Variants in EIF3A observed in about 807,000 individuals in gnomAD.
The protein encoded by EIF3A is EIF3, p180 subunit.
A neutral mutation model predicts 186.6 loss-of-function variants in EIF3A; 21 were observed. The ratio of observed to expected loss-of-function variants is 0.11; its 90% CI spans 0.08 to 0.16. The LOEUF (loss-of-function observed/expected upper bound fraction) is 0.16, where lower values mean the gene tolerates loss of function less well. Ranked by LOEUF, EIF3A falls within the 10% of genes least tolerant of loss-of-function variation. The pLI, the probability that EIF3A is intolerant of heterozygous loss-of-function variation, is 1.00. For missense variants in EIF3A, 1,306 were observed against 1,796.3 expected (o/e 0.73, Z 4.93); for synonymous variants, 563 against 584.3 (o/e 0.96, Z 0.52).
At chr10:119,063,899 G>A (rs1322702145) in intron 7 of EIF3A, among the ~76,000 whole-genome samples, 1 of 152,168 alleles carries the variant, frequency 6.6e-6, no homozygotes, top group African/African-American at 2.4e-5. Context: ...CCTAGCCAAC[G>A]TGGCAAAATC....
chr10:119,056,244 T>C (rs1312479084), intron 14 of EIF3A, among the ~76,000 whole-genome samples: 2 of 152,204 alleles, frequency 1.3e-5, no homozygotes, highest in Admixed American at 6.5e-5. Context: ...ATGACCTGTT[T>C]AGTCACGAAA....
At chr10:119,045,774 A>G (rs565207357) in intron 17 of EIF3A, among the ~76,000 whole-genome samples, 1 of 152,188 alleles carries the variant, frequency 6.6e-6, no homozygotes, top group South Asian at 2.1e-4. Flanking sequence ...ATGTTGCCAG[A>G]CTGGTCTCAA....
At chr10:119,067,608 C>T (rs919225296) in intron 6 of EIF3A, among the ~76,000 whole-genome samples, 1 of 151,982 alleles carries the variant, frequency 6.6e-6, no homozygotes, top group Non-Finnish European at 1.5e-5. Flanking sequence ...GAAAGAAAGA[C>T]CGTATCAGAA....
Position 119,042,701 on chromosome 10 carries a change from A to C in EIF3A, c.2819T>G (p.Leu940Arg), listed in dbSNP as rs1848228112. The C allele has an allele frequency of 6.2e-7, 1 of 1,613,866 alleles. No individual in the cohort carries two copies. The highest frequency in any genetic ancestry group is 1.7e-5 in the Admixed American group (1 of 59,986). ...GGGCTCTCTATCTTCATCATCCCCC[A>C]GACGCCGGGGCCGCTCTTCATCTCT... is the stretch of plus-strand genomic sequence containing the variant. ...HRRDEERPRR[L>R]GDDEDREPSL... is the part of the protein sequence containing the mutation. Residue 940 changes from leucine to arginine, a missense_variant, in exon 19 of 22, where the codon CTG (leucine) becomes CGG (arginine). By Grantham distance (102) the Leu-to-Arg change is moderately radical (BLOSUM62 -2). Transcript: ENST00000369144. The surrounding 1 kb of genome is among the most constrained non-coding windows in gnomAD (Gnocchi z 7.8).
chr10:119,064,899 C>T (rs1440408547), intron 7 of EIF3A, among the ~76,000 whole-genome samples: 2 of 151,888 alleles, frequency 1.3e-5, no homozygotes, highest in Admixed American at 6.6e-5. Flanking sequence ...TAGGAGAGAC[C>T]GGGTTTCGCC....
At chr10:119,041,932 T>C in intron 19 of EIF3A, 62 bp downstream of exon 19, 1 of 1,496,418 alleles carries the variant, frequency 6.7e-7, no homozygotes, top group Non-Finnish European at 9.2e-7. Context: ...CTGATATTTA[T>C]CCATCAGAAT....
intron 1 of EIF3A, among the ~76,000 whole-genome samples, chr10:119,077,009 C>G (rs547780835): frequency 1.1e-4 from 17 of 151,350 alleles, no homozygotes; most frequent in African/African-American, 3.9e-4. Flanking sequence ...AGTCTCTTAT[C>G]AGCAAAAAAC....
rs1198258688 is a variant in EIF3A, at chr10:119,036,160, C to G, written c.4028G>C (p.Arg1343Pro). 1 of 1,613,506 alleles carries G rather than the reference C, an allele frequency of 6.2e-7. No homozygotes were observed. The highest frequency in any genetic ancestry group is 8.5e-7 in the Non-Finnish European group (1 of 1,179,792). ...PALSRDRERD[R>P]DREREGEKEK... ...TTTTTCACCTTCTCTTTCTCGGTCT[C>G]GGTCTCTTTCTCGGTCTCTTGAAAG... Residue 1343 changes from arginine (R) to proline (P), a missense_variant, in exon 22 of 22, where the codon CGA (arginine) becomes CCA (proline). Around this residue, in one of 8 missense-constraint regions of EIF3A, gnomAD observed 331 missense variants for 365.8 expected, o/e 0.90. Transcript: ENST00000369144.
chr10:119,076,838 A>C (rs562257193), intron 1 of EIF3A, among the ~76,000 whole-genome samples: 19 of 151,594 alleles, frequency 1.3e-4, no homozygotes, highest in African/African-American at 4.4e-4. Flanking sequence ...CGGGAGGCTG[A>C]GACTTTAGAA....
chr10:119,050,475 A>C (rs745779808), intron 16 of EIF3A, 46 bp downstream of exon 16: 2 of 1,582,404 alleles, frequency 1.3e-6, no homozygotes, highest in South Asian at 1.1e-5. Flanking sequence ...AGATCTTAAC[A>C]CCAACCTTGC....
chr10:119,080,533 G>C (rs1844247889), intron 1 of EIF3A, 95 bp downstream of exon 1: 3 of 1,442,652 alleles, frequency 2.1e-6, no homozygotes, highest in Non-Finnish European at 2.7e-6. Flanking sequence ...CTCCCCGCGC[G>C]GGCCGGGCGG....
intron 1 of EIF3A, among the ~76,000 whole-genome samples, chr10:119,074,975 A>AT (rs1313468467): frequency 1.6e-4 from 15 of 95,230 alleles, no homozygotes; most frequent in South Asian, 4.3e-4. Flanking sequence ...AAAATAACTT[A>AT]TTTTTTTTCT....
intron 4 of EIF3A, 79 bp from the exon 5 acceptor site, chr10:119,071,164 T>C: frequency 9.9e-7 from 1 of 1,011,980 alleles, no homozygotes; most frequent in Middle Eastern, 2.1e-4. Context: ...TTTCACACAT[T>C]AAGATCAGTT....
At chr10:119,053,170 G>A (rs1218619347) in intron 14 of EIF3A, among the ~76,000 whole-genome samples, 2 of 152,156 alleles carry the variant, frequency 1.3e-5, no homozygotes, top group African/African-American at 2.4e-5. Context: ...GCTATTAACA[G>A]ATATGCTGTC....
At chr10:119,039,661 C>T (rs1296236959) in intron 19 of EIF3A, among the ~76,000 whole-genome samples, 1 of 152,000 alleles carries the variant, frequency 6.6e-6, no homozygotes, top group Non-Finnish European at 1.5e-5. Flanking sequence ...CAGTGAGGCC[C>T]CACCTCAAAA....
In EIF3A at chr10:119,073,382, TG is replaced by T. The variant is rs376345403; in HGVS notation, c.377+58del. ...TACTTCAAAAGGAAATGAAGACCCA[TG>T]TAAAAGAAAACACCAAGTTAACTAT... On this transcript the variant is annotated intron_variant, in intron 3 of 21. Transcript: ENST00000369144. 6.2e-6 allele frequency: 8 copies of T among 1,285,924 alleles called. No individual in the cohort carries two copies. The African/African-American group carries it at 1.2e-4, about 19-fold the overall frequency. The allele number at this position is 1,285,924 out of a possible 1,614,324, so 79.7% of individuals were successfully genotyped here.
In EIF3A at chr10:119,056,788, T is replaced by C. The variant is rs1236388541; in HGVS notation, c.2148A>G (p.Glu716=). 20 of 1,613,670 alleles carry C rather than the reference T, an allele frequency of 1.2e-5. No individual in the cohort carries two copies. Among genetic ancestry groups the C allele is most frequent in the Non-Finnish European group, 1.6e-5 (19 of 1,179,824 alleles). ...ACAGATCCATGTCTTTAATTCTCTG[T>C]TCCTCGTAAGCGCTCTTTATCAAAG... The part of the protein sequence containing the change: ...EIPLIKSAYE[E]QRIKDMDLWE... Residue 716 remains glutamate (E), a synonymous_variant, in exon 14 of 22, where the codon GAA becomes GAG. Transcript: ENST00000369144.
rs1478561821 is a variant in EIF3A at position 119,035,451 on chromosome 10, C to T, written c.*588G>A. ...TACAACAACTGCAAATTGCTTTGTA[C>T]TCACCTTCTCTCAAGTAAAATCTAA... On this transcript the variant is annotated 3_prime_UTR_variant, in exon 22 of 22. Transcript: ENST00000369144. 5 of 149,166 alleles carry T rather than the reference C, an allele frequency of 3.4e-5. No individual in the cohort carries two copies. The East Asian group carries it at 7.9e-4, about 23-fold the overall frequency. The allele number at this position is 149,166 out of a possible 1,614,324, so 9.2% of individuals were successfully genotyped here.
intron 7 of EIF3A, among the ~76,000 whole-genome samples, chr10:119,061,670 T>C (rs1467974291): frequency 1.3e-5 from 2 of 152,226 alleles, no homozygotes; most frequent in African/African-American, 4.8e-5. Flanking sequence ...CCAGTTTTAC[T>C]TTTATATAAA....
Sources: gnomAD v4.1 joint callset for allele counts (sites outside exome capture counted in the v4.1 genomes callset) on GRCh38, gnomAD v4.1.1 for gene constraint, gnomAD v4.1.1 regional missense constraint, Gnocchi (gnomAD v3.1) non-coding constraint, MANE v1.5 for transcripts, NCBI Gene and HGNC (gene_info 2026-07-23, HGNC 2026-07-21) for gene names.